Variants in C11orf65 observed in about 807,000 individuals in gnomAD.
C11orf65 encodes the protein chromosome 11 open reading frame 65, also known as protein MFI.
Under a neutral mutation model 35.3 loss-of-function variants are expected in C11orf65, and 38 were observed. That is an observed-to-expected ratio of 1.08 (90% CI 0.83 to 1.41). The LOEUF (loss-of-function observed/expected upper bound fraction) is 1.41. C11orf65 is among the 40% of genes most tolerant of loss of function. C11orf65 has a pLI of 0.00. For synonymous variants in C11orf65, 105 were observed against 114.4 expected, an observed-to-expected ratio of 0.92 and a Z score of 0.53; for missense variants, 370 against 367.1, an observed-to-expected ratio of 1.01 and a Z score of -0.06.
chr11:108,441,261 C>G (rs775835786), intron 2 of C11orf65, among the ~76,000 whole-genome samples: 1 of 152,184 alleles, frequency 6.6e-6, no homozygotes, highest in African/African-American at 2.4e-5. Context: ...AAGGCGGCAG[C>G]GAGGCTGGAG....
At chr11:108,345,999 T>A in intron 2 of C11orf65, 1 of 1,451,732 alleles carries the variant, frequency 6.9e-7, no homozygotes. Flanking sequence ...ACATTCTGAG[T>A]TGCAGGGGGA....
At chr11:108,423,002 A>G (rs2092842425) in intron 3 of C11orf65, among the ~76,000 whole-genome samples, 1 of 152,194 alleles carries the variant, frequency 6.6e-6, no homozygotes, top group Admixed American at 6.5e-5. Context: ...GAATATTTTT[A>G]TAACCTTGGA....
chr11:108,329,095 C>G (rs1239532344), downstream of C11orf65: 1 of 1,614,102 alleles, frequency 6.2e-7, no homozygotes, highest in Non-Finnish European at 8.5e-7. Flanking sequence ...AGGCATTTCT[C>G]TCATTAGCCC....
intron 8 of C11orf65, among the ~76,000 whole-genome samples, chr11:108,384,079 C>CT: frequency 6.6e-6 from 1 of 152,220 alleles, no homozygotes. Context: ...CCAGGATAGT[C>CT]TTGAACTCTT....
rs2089570249 is a variant in C11orf65 at position 108,354,070 on chromosome 11, A to ACACACACACACAC, written c.227-18779_227-18778insGTGTGTGTGTGTG. ...GTATCTAAAAAAATACACACACACA[A>ACACACACACACAC]ACACACACACACACACACACACACA... On this transcript the variant is annotated intron_variant, in intron 2 of 3. Transcript: ENST00000524755. 1.4e-3 allele frequency among the ~76,000 whole-genome samples: 161 copies of ACACACACACACAC among 114,944 alleles called. 1 individual carries two copies. Among genetic ancestry groups the ACACACACACACAC allele is most frequent in the African/African-American group, 4.1e-3 (139 of 33,840 alleles). The allele number at this position is 114,944 out of a possible 152,430, so 75.4% of individuals were successfully genotyped here. A position where few individuals can be genotyped will look rare whatever the true frequency, so the allele number is the denominator to read the frequency against.
intron 2 of C11orf65, among the ~76,000 whole-genome samples, chr11:108,343,790 AAC>A (rs1030048127): frequency 3.7e-4 from 56 of 152,278 alleles, no homozygotes; most frequent in African/African-American, 1.3e-3. Context: ...CTAAAAAACA[AAC>A]ACAGTAAACA....
rs527753671 is a variant in C11orf65 at position 108,388,117 on chromosome 11, A to G, written c.732-2142T>C. Among the ~76,000 whole-genome samples the G allele has an allele frequency of 2.6e-5, 4 of 152,326 alleles. No individual in the cohort carries two copies. In the East Asian group the frequency reaches 5.8e-4, roughly 22 times the overall value. ...CCTGCTTGCTTGGATTTATACACAG[A>G]AAAGACTTTCATTCCACCTTCAAGA... On this transcript the variant is annotated intron_variant, in intron 7 of 8. Transcript: ENST00000393084.
intron 1 of C11orf65, among the ~76,000 whole-genome samples, chr11:108,467,080 G>A (rs982186127): frequency 4.6e-5 from 7 of 152,208 alleles, no homozygotes; most frequent in African/African-American, 1.7e-4. Context: ...GGAAAGAAAT[G>A]AGGAAAAATC....
At chr11:108,356,024 C>A (rs2089875142) in intron 2 of C11orf65, 1 of 152,168 alleles carries the variant, frequency 6.6e-6, no homozygotes, top group Admixed American at 6.5e-5. Flanking sequence ...GTGCTATTCC[C>A]AAGGTTAAAA....
chr11:108,334,083 T>C (rs771626926), intron 3 of C11orf65: 35 of 793,364 alleles, frequency 4.4e-5, no homozygotes, highest in Non-Finnish European at 7.2e-5. Flanking sequence ...GCAAATTTCA[T>C]ATGTTTCAAC....
chr11:108,393,091 G>GTTTTTTTTTTTTTT, intron 7 of C11orf65, 117 bp downstream of exon 7: 6 of 1,026,094 alleles, frequency 5.8e-6, no homozygotes, highest in Non-Finnish European at 8.3e-6. Flanking sequence ...AGATACTCGG[G>GTTTTTTTTTTTTTT]TTTTTTTTTT....
chr11:108,438,062 C>T (rs188941975), intron 2 of C11orf65, among the ~76,000 whole-genome samples: 2 of 152,204 alleles, frequency 1.3e-5, no homozygotes, highest in African/African-American at 4.8e-5. Flanking sequence ...GATATATAGG[C>T]CAATGGAATA....
chr11:108,400,316 T>C (rs1418019913), intron 6 of C11orf65, among the ~76,000 whole-genome samples: 1 of 152,222 alleles, frequency 6.6e-6, no homozygotes, highest in Non-Finnish European at 1.5e-5. Flanking sequence ...CCTTAACTTT[T>C]TGCAAAGTTT....
chr11:108,314,876 G>GT (rs1565497291), intron 6 of C11orf65, among the ~76,000 whole-genome samples: 1 of 152,168 alleles, frequency 6.6e-6, no homozygotes, highest in Non-Finnish European at 1.5e-5. Flanking sequence ...TATCAATACC[G>GT]TAAGTTTATA....
intron 8 of C11orf65, 136 bp downstream of exon 8, chr11:108,385,783 TA>T: frequency 1.5e-6 from 1 of 685,136 alleles, no homozygotes; most frequent in East Asian, 2.6e-5. Context: ...CATACAAAGG[TA>T]AAAATGACTT....
At chr11:108,407,505 A>C (rs1256191100) in intron 3 of C11orf65, among the ~76,000 whole-genome samples, 1 of 143,834 alleles carries the variant, frequency 7.0e-6, no homozygotes, top group Admixed American at 7.1e-5. Flanking sequence ...TTTTTTGTAG[A>C]GACAAGAGTC....
intron 6 of C11orf65, among the ~76,000 whole-genome samples, chr11:108,316,811 A>C (rs1417693646): frequency 1.3e-5 from 2 of 150,274 alleles, no homozygotes; most frequent in Non-Finnish European, 3.0e-5. Flanking sequence ...CTGTAGGCCC[A>C]GCTACTTGGG....
chr11:108,347,283 T>A lies in C11orf65; in HGVS notation c.227-11991A>T, dbSNP rs1409265866. ...GTTTGTTTCTTTTTTCTCCAGTTGG[T>A]TACATACTTGGACTTGGTGATAGAC... On this transcript the variant is annotated intron_variant, in intron 2 of 3. Coordinates refer to the C11orf65 transcript ENST00000524755. 1 of 1,606,236 alleles carries A rather than the reference T, an allele frequency of 6.2e-7. No individual in the cohort carries two copies. Among genetic ancestry groups the A allele is most frequent in the Non-Finnish European group, 8.5e-7 (1 of 1,173,262 alleles).
intron 6 of C11orf65, among the ~76,000 whole-genome samples, chr11:108,403,989 G>A (rs560838278): frequency 8.5e-5 from 13 of 152,118 alleles, no homozygotes; most frequent in African/African-American, 2.4e-4. Context: ...ATTCACATAC[G>A]ACACAAGCAT....
Sources: gnomAD v4.1 joint callset for allele counts (sites outside exome capture counted in the v4.1 genomes callset) on GRCh38, gnomAD v4.1.1 for gene constraint, MANE v1.5 for transcripts, NCBI Gene and HGNC (gene_info 2026-07-23, HGNC 2026-07-21) for gene names.